The following ATP2B3 variants were observed in gnomAD, a reference collection of about 807,000 sequenced individuals.
The protein encoded by ATP2B3 is ATPase plasma membrane Ca2+ transporting 3.
Under a neutral mutation model 70.8 loss-of-function variants are expected in ATP2B3, and 12 were observed. The observed-to-expected ratio is 0.17, with a 90% CI of 0.11 to 0.27. The LOEUF is 0.27. Among genes scored for constraint, ATP2B3 ranks in the 10% least tolerant of loss-of-function variants. The probability of loss-of-function intolerance (pLI) is 1.00; values close to 1 mark genes in which losing one functional copy is unlikely to be tolerated. For synonymous variants in ATP2B3, 460 were observed against 497.8 expected (o/e 0.92, Z 1.01); for missense variants, 858 against 1,118.5 (o/e 0.77, Z 3.32).
intron 20 of ATP2B3, among the ~76,000 whole-genome samples, chrX:153,564,531 G>A (rs1367556130): frequency 8.8e-6 from 1 of 113,008 alleles, no homozygotes; most frequent in Non-Finnish European, 1.9e-5. Flanking sequence ...CGTTCCACTC[G>A]GGCCACTCCC....
chrX:153,545,747 G>A (rs73245896), intron 7 of ATP2B3, among the ~76,000 whole-genome samples: 8,098 of 112,067 alleles, frequency 0.072, 325 homozygotes, highest in African/African-American at 0.15. Flanking sequence ...CCCTTGAGCT[G>A]GTTTGCAGGG....
At position 153,560,761 on chromosome X, in the gene ATP2B3, G is replaced by A. The variant is rs374228202; in HGVS notation, c.2925G>A (p.Thr975=). The A allele has an allele frequency of 3.7e-5, 45 of 1,210,570 alleles. No homozygotes were observed. In the South Asian group the frequency reaches 4.2e-4, roughly 11 times the overall value. Reference sequence around the variant, plus strand: ...AGCACTACACCATCATCTTCAACACGTTCGTCATGATGCAGCTCTTTAACG... The same window carrying A: ...AGCACTACACCATCATCTTCAACACATTCGTCATGATGCAGCTCTTTAACG... ...PSEHYTIIFN[T]FVMMQLFNEI... Residue 975 remains threonine, a synonymous_variant, in exon 19 of 22, where the codon ACG becomes ACA. Transcript: ENST00000263519.
chrX:153,565,579 C>T (rs1254774863), intron 21 of ATP2B3, among the ~76,000 whole-genome samples: 2 of 112,323 alleles, frequency 1.8e-5, no homozygotes, highest in African/African-American at 6.5e-5. Flanking sequence ...CTCTGGCCAC[C>T]GAGTTGGTCC....
Position 153,580,253 on chromosome X carries a change from C to T in ATP2B3, c.3618C>T (p.Ser1206=). The T allele has an allele frequency of 1.7e-6, 2 of 1,210,256 alleles. No homozygotes were observed. Among genetic ancestry groups the T allele is most frequent in the Non-Finnish European group, 2.2e-6 (2 of 894,686 alleles). ...VTKSATSSVF[S]SSPGSPLHSV... is the part of the protein sequence containing the mutation. ...AGTCAGCTACCTCTTCAGTGTTTTC[C>T]TCCAGTCCCGGGAGCCCGCTCCACA... The change falls in exon 22 of 22, where the codon TCC becomes TCT. Residue 1206 remains serine (S), a synonymous_variant. Coordinates refer to ENST00000263519, the MANE Select transcript of ATP2B3 (RefSeq NM_001001344.3).
At chrX:153,572,348 G>A (rs1246889351) in intron 21 of ATP2B3, among the ~76,000 whole-genome samples, 1 of 112,858 alleles carries the variant, frequency 8.9e-6, no homozygotes, top group Non-Finnish European at 1.9e-5. Flanking sequence ...CAGCCCACCA[G>A]GAGTCTGGGG....
chrX:153,561,621 C>T (rs1472831593), intron 19 of ATP2B3, among the ~76,000 whole-genome samples: 3 of 111,835 alleles, frequency 2.7e-5, no homozygotes, highest in Non-Finnish European at 5.7e-5. Context: ...TGCGTCATTG[C>T]AGCGGTTCCA....
chrX:153,580,424 C>G lies in ATP2B3; in HGVS notation c.*126C>G. 2.8e-6 allele frequency: 2 copies of G among 716,754 alleles called. No individual in the cohort carries two copies. Among genetic ancestry groups the G allele is most frequent in the Non-Finnish European group, 4.0e-6 (2 of 500,309 alleles). 59.1% of individuals were successfully genotyped at this position (716,754 alleles called of 1,213,427 possible). A position where few individuals can be genotyped will look rare whatever the true frequency, so the allele number is the denominator to read the frequency against. The stretch of plus-strand genomic sequence containing the variant: ...CAAAACGAGGGAACAACTAAGGTGG[C>G]TGAAGACCTTTCTGGCAGGGCATTT... On this transcript the variant is annotated 3_prime_UTR_variant, in exon 22 of 22. Coordinates refer to ENST00000263519, the MANE Select transcript of ATP2B3 (RefSeq NM_001001344.3).
intron 5 of ATP2B3, among the ~76,000 whole-genome samples, 162 bp from the exon 6 acceptor site, chrX:153,542,161 C>T (rs1374973629): frequency 1.1e-4 from 4 of 37,356 alleles, no homozygotes; most frequent in Non-Finnish European, 3.8e-4. Context: ...GCCTCCACGG[C>T]GGGCTTTCCC....
intron 7 of ATP2B3, among the ~76,000 whole-genome samples, chrX:153,543,965 G>A (rs968553641): frequency 2.3e-4 from 26 of 112,400 alleles, no homozygotes; most frequent in Admixed American, 8.3e-4. Context: ...GGCGTGGGGC[G>A]GGCAGTCAGG....
In ATP2B3 at chrX:153,518,507, C is replaced by T. The variant is rs1020438643; in HGVS notation, c.-171C>T. Reference sequence around the variant, plus strand: ...TCCTGTGGCCGCCTGCGTTTTCTCACGGGTGAAAGCTCTGGCTTTAAGATT... The same window carrying T: ...TCCTGTGGCCGCCTGCGTTTTCTCATGGGTGAAAGCTCTGGCTTTAAGATT... On this transcript the variant is annotated 5_prime_UTR_variant, in exon 2 of 22. The change creates a new upstream start codon in the 5' untranslated region. Coordinates refer to ENST00000263519, the MANE Select transcript of ATP2B3 (RefSeq NM_001001344.3). 3.5e-5 allele frequency among the ~76,000 whole-genome samples: 4 copies of T among 112,876 alleles called. No individual in the cohort carries two copies. The highest frequency in any genetic ancestry group is 1.3e-4 in the African/African-American group (4 of 31,134).
At chrX:153,538,469 G>A (rs1397194087) in intron 3 of ATP2B3, among the ~76,000 whole-genome samples, 4 of 113,134 alleles carry the variant, frequency 3.5e-5, no homozygotes, top group Non-Finnish European at 7.5e-5. Context: ...CCTGGAAACC[G>A]CGCTGCTGTT....
At position 153,559,870 on chromosome X, in the gene ATP2B3, C is replaced by T. The variant is rs141643926; in HGVS notation, c.2767C>T (p.Arg923Cys). ...PYGRDKPLIS[R>C]TMMKNILGHA... The stretch of plus-strand genomic sequence containing the variant: ...CGGCCGCGACAAGCCCCTCATCTCC[C>T]GCACCATGATGAAGAACATTCTGGG... Residue 923 changes from arginine (R) to cysteine (C), a missense_variant, in exon 18 of 22, where the codon CGC becomes TGC. Physicochemically the swap from Arg to Cys is radical, Grantham distance 180 (BLOSUM62 -3). Transcript: ENST00000263519. 2.8e-5 allele frequency: 34 copies of T among 1,210,696 alleles called. No homozygotes were observed. The highest frequency in any genetic ancestry group is 7.0e-5 in the African/African-American group (4 of 57,408).
intron 2 of ATP2B3, among the ~76,000 whole-genome samples, chrX:153,531,578 A>C (rs782302066): frequency 1.0e-3 from 117 of 112,806 alleles, no homozygotes; most frequent in African/African-American, 3.3e-3. Context: ...GTAGGCCCCC[A>C]GGCGTCCACC....
chrX:153,548,531 C>A (rs1239188545), intron 9 of ATP2B3, 109 bp from the exon 10 acceptor site: 7 of 724,057 alleles, frequency 9.7e-6, no homozygotes, highest in Non-Finnish European at 1.4e-5. Context: ...TCTACAAGGC[C>A]TTCACAAATG....
intron 2 of ATP2B3, among the ~76,000 whole-genome samples, chrX:153,531,243 G>A (rs782774454): frequency 7.1e-5 from 8 of 113,242 alleles, no homozygotes; most frequent in Non-Finnish European, 1.5e-4. Flanking sequence ...CAGACTGGGC[G>A]CCCTCCTTCC....
intron 7 of ATP2B3, among the ~76,000 whole-genome samples, chrX:153,544,014 G>T (rs1447803890): frequency 8.8e-6 from 1 of 113,210 alleles, no homozygotes; most frequent in Non-Finnish European, 1.9e-5. Flanking sequence ...AAAGCTCCCT[G>T]GAGGCAGCAA....
chrX:153,521,717 G>A (rs1370475198), intron 2 of ATP2B3, among the ~76,000 whole-genome samples: 8 of 111,672 alleles, frequency 7.2e-5, no homozygotes, highest in African/African-American at 2.6e-4. Context: ...ACAGGCTCAA[G>A]GCACTTTCTC....
At chrX:153,542,508 G>A (rs1387502951) in intron 6 of ATP2B3, 60 bp downstream of exon 6, 7 of 1,180,383 alleles carry the variant, frequency 5.9e-6, no homozygotes, top group African/African-American at 1.8e-5. Context: ...GTGTGGCCCA[G>A]CATCCTGTCC....
intron 21 of ATP2B3, among the ~76,000 whole-genome samples, chrX:153,579,282 C>G (rs971204760): frequency 8.9e-6 from 1 of 112,534 alleles, no homozygotes; most frequent in Non-Finnish European, 1.9e-5. Context: ...TGTTGAGTGC[C>G]CTGAGGGATC....
Sources: gnomAD v4.1 joint callset for allele counts (sites outside exome capture counted in the v4.1 genomes callset) on GRCh38, gnomAD v4.1.1 for gene constraint, MANE v1.5 for transcripts, NCBI Gene and HGNC (gene_info 2026-07-23, HGNC 2026-07-21) for gene names.